PPL: variants seen among roughly 807,000 people sequenced by gnomAD.
PPL encodes the protein 190 kDa paraneoplastic pemphigus antigen.
In PPL, 198 loss-of-function variants were observed where a neutral mutation model predicts 194.4. The ratio of observed to expected loss-of-function variants is 1.02; its 90% CI spans 0.91 to 1.15. The LOEUF (loss-of-function observed/expected upper bound fraction) is 1.15, where lower values mean the gene tolerates loss of function less well. Among genes scored for constraint, PPL ranks in the 50% most tolerant of loss-of-function variants. The pLI is 0.00. For missense variants in PPL, 2,885 were observed against 2,294.8 expected (o/e 1.26, Z -5.25); for synonymous variants, 1,220 against 972.4 (o/e 1.25, Z -4.74).
chr16:4,883,622 C>G lies in PPL; in HGVS notation c.5033G>C (p.Gly1678Ala), dbSNP rs764371812. ...ELSPEEAHRA[G>A]LIDWNMFVKL... ...CACGAACATGTTCCAGTCAATGAGC[C>G]CGGCACGGTGGGCTTCCTCCGGGGA... is the stretch of plus-strand genomic sequence containing the variant. Residue 1678 changes from glycine (G) to alanine (A), a missense_variant, in exon 22 of 22, where the codon GGG becomes GCG. Transcript: ENST00000345988. The surrounding 1 kb of genome is among the most constrained non-coding windows in gnomAD (Gnocchi z 4.8). The G allele has an allele frequency of 4.3e-6, 7 of 1,614,050 alleles. No individual in the cohort carries two copies. In the South Asian group the frequency reaches 6.6e-5, roughly 15 times the overall value.
chr16:4,889,241 G>GTTGTTT (rs2088274147), intron 18 of PPL, among the ~76,000 whole-genome samples, 180 bp from the exon 19 acceptor site: 5 of 66,632 alleles, frequency 7.5e-5, no homozygotes, highest in South Asian at 1.2e-3. Context: ...TGTTGTTGTT[G>GTTGTTT]TTTTTTTTTT....
chr16:4,885,016 CT>C lies in PPL; in HGVS notation c.3638del (p.Gln1213ArgfsTer19). 1 of 1,613,926 alleles carries C rather than the reference CT, an allele frequency of 6.2e-7. No individual in the cohort carries two copies. Among genetic ancestry groups the C allele is most frequent in the South Asian group, 1.1e-5 (1 of 91,080 alleles). On this transcript the variant is annotated frameshift_variant, in exon 22 of 22. Transcript: ENST00000345988. LOFTEE classifies it high-confidence loss of function. The surrounding 1 kb of genome is among the most constrained non-coding windows in gnomAD (Gnocchi z 6.3). ...RGAEEQLRSY[Q>X]SELEALRRRG... is the part of the protein sequence containing the mutation. The stretch of plus-strand genomic sequence containing the variant: ...GCCTCCTGAGGGCCTCCAGCTCACT[CT>C]GGTAGCTCCGGAGCTGCTCCTCGGC...
chr16:4,899,316 C>T lies in PPL; in HGVS notation c.675G>A (p.Glu225=). The T allele has an allele frequency of 1.2e-6, 2 of 1,613,698 alleles. No homozygotes were observed. Among genetic ancestry groups the T allele is most frequent in the Non-Finnish European group, 1.7e-6 (2 of 1,180,000 alleles). The change falls in exon 7 of 22, where the codon GAG becomes GAA. Residue 225 remains glutamate (E), a synonymous_variant. Transcript: ENST00000345988. ...LQDYMQRCTN[E]LYWLDQQAKG... is the part of the protein sequence containing the mutation. ...TGGCCTGCTGGTCCAGCCAGTACAG[C>T]TCATTGGTGCAGCGCTGCATGTAGT... is the stretch of plus-strand genomic sequence containing the variant.
In PPL at chr16:4,890,902, T is replaced by C. The variant is rs1476787047; in HGVS notation, c.1988A>G (p.Gln663Arg). 1.3e-6 allele frequency: 2 copies of C among 1,530,898 alleles called. No homozygotes were observed. The highest frequency in any genetic ancestry group is 1.8e-6 in the Non-Finnish European group (2 of 1,132,348). The allele number at this position is 1,530,898 out of a possible 1,614,324, so 94.8% of individuals were successfully genotyped here. ...QELAAMACEL[Q>R]AQKSLLGEVE... Reference sequence around the variant, plus strand: ...CTCACCCAGGAGGGACTTCTGGGCCTGTAACTCACAGGCCATGGCCTGGCG... The same window carrying C: ...CTCACCCAGGAGGGACTTCTGGGCCCGTAACTCACAGGCCATGGCCTGGCG... Residue 663 changes from glutamine (Q) to arginine (R), a missense_variant, in exon 17 of 22, where the codon CAG becomes CGG. Coordinates refer to ENST00000345988, the MANE Select transcript of PPL (RefSeq NM_002705.5).
At chr16:4,908,822 C>T (rs1568030073) in intron 2 of PPL, among the ~76,000 whole-genome samples, 2 of 152,116 alleles carry the variant, frequency 1.3e-5, no homozygotes, top group African/African-American at 2.4e-5. Flanking sequence ...ATTACAGGCG[C>T]GAGCCACCGC....
chr16:4,905,766 C>A (rs1379582143), intron 2 of PPL, among the ~76,000 whole-genome samples: 1 of 152,116 alleles, frequency 6.6e-6, no homozygotes. Flanking sequence ...GAAGGGTGAA[C>A]AGGCCTGACT....
intron 1 of PPL, among the ~76,000 whole-genome samples, chr16:4,925,299 T>A (rs1209820364): frequency 1.3e-5 from 2 of 152,136 alleles, no homozygotes; most frequent in African/African-American, 2.4e-5. Flanking sequence ...CTACCTTCTT[T>A]AAACACTGCC....
chr16:4,922,372 C>CAG (rs1403617258), intron 1 of PPL, among the ~76,000 whole-genome samples: 2 of 152,142 alleles, frequency 1.3e-5, no homozygotes, highest in African/African-American at 4.8e-5. Flanking sequence ...TGATAAAAGC[C>CAG]AGAAGCCAGC....
At position 4,887,025 on chromosome 16, in the gene PPL, T is replaced by G. The variant is rs534772772; in HGVS notation, c.2607+110A>C. 4.4e-5 allele frequency: 41 copies of G among 933,316 alleles called. No homozygotes were observed. The African/African-American group carries it at 6.0e-4, about 14-fold the overall frequency. 57.8% of individuals were successfully genotyped at this position (933,316 alleles called of 1,614,324 possible). ...TTTGCATTGGCCCTGCCCAGAAACGTTAGCAAGGGGACACTTCCATCAATT... is the reference window on the plus strand; with the variant it reads ...TTTGCATTGGCCCTGCCCAGAAACGGTAGCAAGGGGACACTTCCATCAATT... On this transcript the variant is annotated intron_variant, in intron 21 of 21. Coordinates refer to ENST00000345988, the MANE Select transcript of PPL (RefSeq NM_002705.5).
At position 4,889,014 on chromosome 16, in the gene PPL, G is replaced by A; in HGVS notation, c.2361C>T (p.Ile787=). 1 of 1,613,692 alleles carries A rather than the reference G, an allele frequency of 6.2e-7. No individual in the cohort carries two copies. The highest frequency in any genetic ancestry group is 1.7e-5 in the Admixed American group (1 of 59,996). The change falls in exon 19 of 22, where the codon ATC becomes ATT. Residue 787 remains isoleucine, a synonymous_variant. Coordinates refer to ENST00000345988, the MANE Select transcript of PPL (RefSeq NM_002705.5). The stretch of plus-strand genomic sequence containing the variant: ...GCTGGTACTGCTGGGAATTGGCACA[G>A]ATCTTCTGTACTTCCTGCTCCCTAC... ...IASREQEVQK[I]CANSQQYQQA... is the part of the protein sequence containing the mutation.
At chr16:4,892,605 T>C in intron 14 of PPL, 1 of 183,882 alleles carries the variant, frequency 5.4e-6, no homozygotes, top group Non-Finnish European at 1.1e-5. Context: ...GGGGTCAGGC[T>C]ACACCCGAGA....
intron 1 of PPL, among the ~76,000 whole-genome samples, chr16:4,912,897 A>G (rs1319568402): frequency 6.6e-6 from 1 of 152,164 alleles, no homozygotes; most frequent in East Asian, 1.9e-4. Flanking sequence ...TGAGATCAGG[A>G]GTTTGAGACC....
In PPL at chr16:4,885,735, G is replaced by A. The variant is rs1463561371; in HGVS notation, c.2920C>T (p.Leu974=). The A allele has an allele frequency of 6.2e-7, 1 of 1,613,094 alleles. No homozygotes were observed. The highest frequency in any genetic ancestry group is 1.3e-5 in the African/African-American group (1 of 74,906). Residue 974 remains leucine (L), a synonymous_variant, in exon 22 of 22, where the codon CTG becomes TTG. Coordinates refer to ENST00000345988, the MANE Select transcript of PPL (RefSeq NM_002705.5). This position sits in a 1 kb window ranked among gnomAD's most constrained non-coding sequence, Gnocchi z 6.3. ...TCCAGGGCACGCAGCTGCAGCTGCA[G>A]TGCCTCCAGCTCCTCCTGCAGCAGC... ...NQLLQEELEA[L]QLQLRALEQE... is the part of the protein sequence containing the mutation.
intron 3 of PPL, 23 bp downstream of exon 3, chr16:4,903,863 G>A (rs201479021): frequency 2.1e-5 from 34 of 1,612,772 alleles, no homozygotes; most frequent in African/African-American, 6.7e-5. Flanking sequence ...GCTCCCCTGG[G>A]GTAAGAAGCA....
At chr16:4,889,238 GTTGTTTTTTTTT>G (rs2088272683) in intron 18 of PPL, among the ~76,000 whole-genome samples, 177 bp from the exon 19 acceptor site, 3 of 21,808 alleles carry the variant, frequency 1.4e-4, no homozygotes, top group African/African-American at 2.2e-4. Context: ...TTTTGTTGTT[GTTGTTTTTTTTT>G]TTTTTTTTTT....
In PPL at chr16:4,931,218, G is replaced by A. The variant is rs371745161; in HGVS notation, c.62+5766C>T. On this transcript the variant is annotated intron_variant, in intron 1 of 21. Coordinates refer to ENST00000345988, the MANE Select transcript of PPL (RefSeq NM_002705.5). ...ATCTCTACAAATATTAAAAATTAGC[G>A]GGGCACGGTGGTGTGCACACCTGTA... Among the ~76,000 whole-genome samples, 42 of 152,152 alleles carry A rather than the reference G, an allele frequency of 2.8e-4. No individual in the cohort carries two copies. In the South Asian group the frequency reaches 5.8e-3, roughly 21 times the overall value.
intron 1 of PPL, among the ~76,000 whole-genome samples, chr16:4,926,553 G>T (rs1023528762): frequency 6.6e-6 from 1 of 152,150 alleles, no homozygotes; most frequent in Non-Finnish European, 1.5e-5. Flanking sequence ...TAGTAGGTAG[G>T]TTAAGGAAAA....
chr16:4,936,378 T>G (rs1416708742), intron 1 of PPL, among the ~76,000 whole-genome samples: 2 of 152,112 alleles, frequency 1.3e-5, no homozygotes, highest in Non-Finnish European at 2.9e-5. Flanking sequence ...GGCGCGGCTC[T>G]GGCGCGCAGG....
rs1596547229 is a variant in PPL at position 4,890,903 on chromosome 16, G to C, written c.1987C>G (p.Gln663Glu). 6.5e-7 allele frequency: 1 copy of C among 1,531,264 alleles called. No homozygotes were observed. The highest frequency in any genetic ancestry group is 8.8e-7 in the Non-Finnish European group (1 of 1,132,556). 94.9% of individuals were successfully genotyped at this position (1,531,264 alleles called of 1,614,324 possible). A position where few individuals can be genotyped will look rare whatever the true frequency, so the allele number is the denominator to read the frequency against. The change falls in exon 17 of 22, where the codon CAG (glutamine) becomes GAG (glutamate). Residue 663 changes from glutamine to glutamate, a missense_variant. By Grantham distance (29) the Gln-to-Glu change is conservative. Transcript: ENST00000345988. ...QELAAMACEL[Q>E]AQKSLLGEVE... ...TCACCCAGGAGGGACTTCTGGGCCT[G>C]TAACTCACAGGCCATGGCCTGGCGG...
Sources: gnomAD v4.1 joint callset for allele counts (sites outside exome capture counted in the v4.1 genomes callset) on GRCh38, gnomAD v4.1.1 for gene constraint, Gnocchi (gnomAD v3.1) non-coding constraint, MANE v1.5 for transcripts, NCBI Gene and HGNC (gene_info 2026-07-23, HGNC 2026-07-21) for gene names.